SLC39A11: variants seen among roughly 807,000 people sequenced by gnomAD.
SLC39A11 encodes solute carrier family 39 member 11.
In SLC39A11, 33 loss-of-function variants were observed where a neutral mutation model predicts 36.1. The ratio of observed to expected loss-of-function variants is 0.91; its 90% confidence interval spans 0.69 to 1.22. The LOEUF (loss-of-function observed/expected upper bound fraction) is 1.22, where lower values mean the gene tolerates loss of function less well. SLC39A11 is among the 50% of genes most tolerant of loss of function. The pLI is 0.00. For missense variants in SLC39A11, 432 were observed against 430.3 expected, an observed-to-expected ratio of 1.00 and a Z score of -0.03; for synonymous variants, 166 against 170.3, an observed-to-expected ratio of 0.97 and a Z score of 0.20.
intron 3 of SLC39A11, among the ~76,000 whole-genome samples, chr17:73,040,837 T>G (rs1181568985): frequency 1.3e-5 from 2 of 151,750 alleles, no homozygotes; most frequent in African/African-American, 4.8e-5. Flanking sequence ...ATACAAAAAT[T>G]AGCCAGGTGT....
chr17:72,881,099 G>C (rs938271304), intron 5 of SLC39A11, among the ~76,000 whole-genome samples: 3 of 151,758 alleles, frequency 2.0e-5, no homozygotes, highest in Admixed American at 2.0e-4. Context: ...AAGACAGTTT[G>C]GTAGTTACTT....
At chr17:72,698,634 T>C (rs994666449) in intron 7 of SLC39A11, among the ~76,000 whole-genome samples, 8 of 152,188 alleles carry the variant, frequency 5.3e-5, no homozygotes, top group African/African-American at 1.9e-4. Context: ...AACAGTGACT[T>C]AAAGCCACTT....
Position 72,844,995 on chromosome 17 carries a change from G to A in SLC39A11, c.601+4639C>T, listed in dbSNP as rs146803087. ...TCCAATCCATCGGCAAATCCCATTG[G>A]CTCCACCTTCAATCGGGACCCAGGA... On this transcript the variant is annotated intron_variant, in intron 6 of 9. Coordinates refer to ENST00000255559, the MANE Select transcript of SLC39A11 (RefSeq NM_139177.4). 2.3e-3 allele frequency among the ~76,000 whole-genome samples: 348 copies of A among 152,168 alleles called. 1 individual carries two copies. The highest frequency in any genetic ancestry group is 4.0e-3 in the Non-Finnish European group (273 of 68,012).
intron 4 of SLC39A11, among the ~76,000 whole-genome samples, chr17:72,984,729 A>G (rs1426703182): frequency 6.6e-6 from 1 of 152,254 alleles, no homozygotes; most frequent in Non-Finnish European, 1.5e-5. Context: ...AGAAAGGTGA[A>G]GTCTCACCGC....
intron 7 of SLC39A11, among the ~76,000 whole-genome samples, chr17:72,722,248 C>T (rs1284861730): frequency 6.6e-6 from 1 of 152,172 alleles, no homozygotes; most frequent in East Asian, 1.9e-4. Flanking sequence ...CTGCCCTCCT[C>T]TCATTGATGG....
chr17:72,847,913 T>A (rs1011600978), intron 6 of SLC39A11, among the ~76,000 whole-genome samples: 1 of 152,188 alleles, frequency 6.6e-6, no homozygotes, highest in Non-Finnish European at 1.5e-5. Flanking sequence ...ATTGGCACCA[T>A]GAACTCTGCA....
chr17:72,806,577 T>C (rs965146611), intron 6 of SLC39A11, among the ~76,000 whole-genome samples: 1 of 152,134 alleles, frequency 6.6e-6, no homozygotes, highest in Non-Finnish European at 1.5e-5. Context: ...AAGTTTTTAT[T>C]GTATCACTTT....
rs373393883 is a variant in SLC39A11, at chr17:73,016,482, T to C, written c.306+15074A>G. On this transcript the variant is annotated intron_variant, in intron 4 of 9. Coordinates refer to ENST00000255559, the MANE Select transcript of SLC39A11 (RefSeq NM_139177.4). Reference sequence around the variant, plus strand: ...CCGAGTAGCTGGGATTACAGGCATGTACCACCACACTCTGCTAAGTTTTGT... The same window carrying C: ...CCGAGTAGCTGGGATTACAGGCATGCACCACCACACTCTGCTAAGTTTTGT... 2.3e-4 allele frequency among the ~76,000 whole-genome samples: 35 copies of C among 152,190 alleles called. No individual in the cohort carries two copies. The East Asian group carries it at 2.5e-3, about 11-fold the overall frequency.
chr17:72,649,363 AG>A, intron 7 of SLC39A11, 95 bp from the exon 8 acceptor site: 1 of 1,068,504 alleles, frequency 9.4e-7, no homozygotes, highest in Non-Finnish European at 1.4e-6. Flanking sequence ...CGTGGGTGCT[AG>A]GAAGCCAGGA....
At chr17:72,732,794 G>A (rs1055453793) in intron 7 of SLC39A11, among the ~76,000 whole-genome samples, 3 of 152,192 alleles carry the variant, frequency 2.0e-5, no homozygotes, top group African/African-American at 7.2e-5. Context: ...GCTAGAGCCT[G>A]AAAGATTTCT....
At chr17:72,926,658 C>T (rs952089063) in intron 5 of SLC39A11, among the ~76,000 whole-genome samples, 8 of 152,202 alleles carry the variant, frequency 5.3e-5, no homozygotes, top group African/African-American at 1.9e-4. Flanking sequence ...ATAATGCCAT[C>T]ATTCCAAGTT....
At position 72,666,422 on chromosome 17, in the gene SLC39A11, T is replaced by C. The variant is rs1053244587; in HGVS notation, c.672-17154A>G. Among the ~76,000 whole-genome samples the C allele has an allele frequency of 9.2e-5, 14 of 152,368 alleles. No individual in the cohort carries two copies. The East Asian group carries it at 2.5e-3, about 27-fold the overall frequency. ...AGGTTGAAAGGGCTCCTTTCTTTTCTACCCGCAAAACAATCTTCTGGGCAC... is the reference window on the plus strand; with the variant it reads ...AGGTTGAAAGGGCTCCTTTCTTTTCCACCCGCAAAACAATCTTCTGGGCAC... On this transcript the variant is annotated intron_variant, in intron 7 of 9. Transcript: ENST00000255559.
chr17:72,973,152 T>G (rs1390177751), intron 4 of SLC39A11, among the ~76,000 whole-genome samples: 1 of 151,590 alleles, frequency 6.6e-6, no homozygotes, highest in East Asian at 2.0e-4. Flanking sequence ...GGAAACCATC[T>G]TTTCCTTGCA....
At chr17:72,907,856 G>A (rs2082740008) in intron 5 of SLC39A11, among the ~76,000 whole-genome samples, 1 of 152,222 alleles carries the variant, frequency 6.6e-6, no homozygotes, top group Admixed American at 6.5e-5. Flanking sequence ...GCGGTGCACA[G>A]CATGGGGCAG....
Position 73,042,814 on chromosome 17 carries a change from T to TAAG in SLC39A11, c.148-11101_148-11100insCTT, listed in dbSNP as rs2059153380. Among the ~76,000 whole-genome samples the TAAG allele has an allele frequency of 9.2e-5, 14 of 152,140 alleles. No individual in the cohort carries two copies. In the South Asian group the frequency reaches 2.9e-3, roughly 32 times the overall value. On this transcript the variant is annotated intron_variant, in intron 3 of 9. Transcript: ENST00000255559. ...TGAAACTCCGTCTCAAAATGAATAATAATAATAAGAAGAAGAATTACCCAG... is the reference window on the plus strand; with the variant it reads ...TGAAACTCCGTCTCAAAATGAATAATAAGAATAATAAGAAGAAGAATTACCCAG...
intron 6 of SLC39A11, among the ~76,000 whole-genome samples, chr17:72,848,084 C>A (rs148484368): frequency 1.3e-5 from 2 of 152,184 alleles, no homozygotes; most frequent in East Asian, 1.9e-4. Context: ...GCCAACAATG[C>A]GCTCGTAAGT....
chr17:72,859,803 A>T (rs2079858402), intron 5 of SLC39A11, among the ~76,000 whole-genome samples: 1 of 136,570 alleles, frequency 7.3e-6, no homozygotes, highest in Non-Finnish European at 1.6e-5. Flanking sequence ...CCTGGCTAAC[A>T]CGGTGAAACC....
intron 7 of SLC39A11, among the ~76,000 whole-genome samples, chr17:72,695,306 T>C (rs16977327): frequency 0.038 from 5,786 of 152,294 alleles, 356 homozygotes; most frequent in African/African-American, 0.13. Context: ...CGGCACGTAG[T>C]ATCCACAGCC....
At chr17:72,897,061 A>AAC (rs2082067476) in intron 5 of SLC39A11, among the ~76,000 whole-genome samples, 1 of 150,430 alleles carries the variant, frequency 6.6e-6, no homozygotes, top group African/African-American at 2.4e-5. Context: ...TCAAAAAAAA[A>AAC]AAAAAAAAAA....
Sources: allele counts gnomAD v4.1 joint callset (sites outside exome capture counted in the v4.1 genomes callset), GRCh38; gene constraint gnomAD v4.1.1; transcripts MANE v1.5; gene names NCBI Gene and HGNC (gene_info 2026-07-23, HGNC 2026-07-21).